CDK17: variants seen among roughly 807,000 people sequenced by gnomAD.
CDK17 encodes cyclin-dependent kinase 17.
A neutral mutation model predicts 77.6 loss-of-function variants in CDK17; 24 were observed. The ratio of observed to expected loss-of-function variants is 0.31; its 90% CI spans 0.22 to 0.44. The LOEUF (loss-of-function observed/expected upper bound fraction) is 0.44. Ranked by LOEUF, CDK17 falls within the 20% of genes least tolerant of loss-of-function variation. The pLI is 1.00. For missense variants in CDK17, 429 were observed against 622.5 expected (o/e 0.69, Z 3.31); for synonymous variants, 203 against 210.4 (o/e 0.96, Z 0.30).
chr12:96,379,345 A>G (rs768002749), intron 1 of CDK17, among the ~76,000 whole-genome samples: 13 of 152,134 alleles, frequency 8.5e-5, no homozygotes, highest in Non-Finnish European at 1.9e-4. Flanking sequence ...TATAGAAACA[A>G]TTAATGTTTA....
chr12:96,323,424 C>T (rs1318454183), intron 3 of CDK17, among the ~76,000 whole-genome samples: 1 of 151,910 alleles, frequency 6.6e-6, no homozygotes, highest in Non-Finnish European at 1.5e-5. Context: ...CCACTGCATT[C>T]CCCTCCAGCC....
chr12:96,391,569 G>A (rs1200073898), intron 1 of CDK17, among the ~76,000 whole-genome samples: 1 of 152,136 alleles, frequency 6.6e-6, no homozygotes, highest in South Asian at 2.1e-4. Flanking sequence ...GGGATTACAG[G>A]CGTGAGCCAC....
At chr12:96,307,516 A>AT (rs1952591334) in intron 5 of CDK17, among the ~76,000 whole-genome samples, 1 of 152,198 alleles carries the variant, frequency 6.6e-6, no homozygotes, top group Non-Finnish European at 1.5e-5. Flanking sequence ...CCAATCTTTG[A>AT]TAAAAACTGA....
At chr12:96,343,732 A>T (rs897927013) in intron 1 of CDK17, among the ~76,000 whole-genome samples, 1 of 152,234 alleles carries the variant, frequency 6.6e-6, no homozygotes, top group Non-Finnish European at 1.5e-5. Flanking sequence ...CAACTAGCCA[A>T]GAAAGGCCTG....
intron 14 of CDK17, 54 bp downstream of exon 14, chr12:96,283,549 G>A: frequency 9.4e-7 from 1 of 1,064,184 alleles, no homozygotes. Flanking sequence ...TTCTACACAT[G>A]AAGAAGCTGA....
At chr12:96,296,689 C>G (rs1952412009) in intron 9 of CDK17, among the ~76,000 whole-genome samples, 1 of 152,186 alleles carries the variant, frequency 6.6e-6, no homozygotes, top group Admixed American at 6.5e-5. Flanking sequence ...TGCTGTTACT[C>G]AGTTAATAAC....
chr12:96,294,279 C>T (rs566076532), intron 10 of CDK17, among the ~76,000 whole-genome samples: 36 of 151,996 alleles, frequency 2.4e-4, no homozygotes, highest in Non-Finnish European at 4.1e-4. Context: ...TTTCCCTTTA[C>T]GTAAGTGTAG....
intron 1 of CDK17, among the ~76,000 whole-genome samples, chr12:96,390,646 T>C (rs568549980): frequency 2.5e-4 from 37 of 145,978 alleles, no homozygotes; most frequent in African/African-American, 9.3e-4. Context: ...GAGGTGGAGA[T>C]TGCAGTTAGC....
rs1045137418 is a variant in CDK17 at position 96,355,402 on chromosome 12, T to G, written c.-29-20537A>C. ...CTGTCTAACATTCTACATTGGGTTT[T>G]TTTTTTTTTTTTTTTTTTTGGAGAT... On this transcript the variant is annotated intron_variant, in intron 1 of 16. Transcript: ENST00000261211. 3.7e-3 allele frequency among the ~76,000 whole-genome samples: 485 copies of G among 132,770 alleles called. 4 individuals carry two copies. Among genetic ancestry groups the G allele is most frequent in the Middle Eastern group, 0.017 (5 of 286 alleles). 87.1% of individuals were successfully genotyped at this position (132,770 alleles called of 152,430 possible).
At chr12:96,327,351 C>T (rs1290724837) in intron 2 of CDK17, among the ~76,000 whole-genome samples, 2 of 152,096 alleles carry the variant, frequency 1.3e-5, no homozygotes, top group Non-Finnish European at 2.9e-5. Context: ...GAGATTACTA[C>T]AGTACCCTAA....
intron 1 of CDK17, among the ~76,000 whole-genome samples, chr12:96,355,279 A>G (rs957370443): frequency 8.6e-5 from 13 of 151,656 alleles, no homozygotes; most frequent in Non-Finnish European, 1.5e-4. Context: ...TTCTACTCAA[A>G]TATCACTTCC....
chr12:96,345,402 C>T (rs1194248823), intron 1 of CDK17, among the ~76,000 whole-genome samples: 1 of 152,224 alleles, frequency 6.6e-6, no homozygotes, highest in East Asian at 1.9e-4. Flanking sequence ...GGAATCGCCA[C>T]ACTGTCTTCC....
intron 5 of CDK17, among the ~76,000 whole-genome samples, chr12:96,307,260 A>G (rs1290754376): frequency 1.3e-5 from 2 of 152,092 alleles, no homozygotes; most frequent in Non-Finnish European, 1.5e-5. Context: ...ATGCCATTGC[A>G]CTCCAGCCTG....
intron 1 of CDK17, among the ~76,000 whole-genome samples, chr12:96,382,345 G>C: frequency 7.6e-6 from 1 of 130,786 alleles, no homozygotes; most frequent in South Asian, 2.3e-4. Flanking sequence ...TTCCAAAACT[G>C]AATCAGTAAT....
intron 1 of CDK17, among the ~76,000 whole-genome samples, chr12:96,386,584 T>C (rs765115849): frequency 6.6e-6 from 1 of 152,052 alleles, no homozygotes; most frequent in Non-Finnish European, 1.5e-5. Context: ...CTCGAGTCCA[T>C]GAGGCGGAGG....
intron 10 of CDK17, among the ~76,000 whole-genome samples, chr12:96,294,161 C>T (rs141601794): frequency 3.9e-5 from 6 of 152,186 alleles, no homozygotes; most frequent in Non-Finnish European, 7.3e-5. Context: ...GTTTTATGTA[C>T]ACTTCCCATT....
chr12:96,280,437 G>A, intron 16 of CDK17, 158 bp from the exon 17 acceptor site: 2 of 1,436,044 alleles, frequency 1.4e-6, no homozygotes, highest in Non-Finnish European at 1.8e-6. Flanking sequence ...TGTTGACGGG[G>A]TCAGTCTACA....
At chr12:96,324,868 T>A (rs553927021) in intron 2 of CDK17, among the ~76,000 whole-genome samples, 157 of 152,204 alleles carry the variant, frequency 1.0e-3, no homozygotes, top group African/African-American at 3.4e-3. Context: ...TTCAAAATGG[T>A]ATGTCAATTA....
intron 15 of CDK17, chr12:96,282,183 A>G (rs932988103): frequency 1.5e-5 from 3 of 205,020 alleles, no homozygotes; most frequent in Non-Finnish European, 2.9e-5. Flanking sequence ...TTCACTTTTA[A>G]CAACGCTAAA....
Sources: gnomAD v4.1 joint callset for allele counts (sites outside exome capture counted in the v4.1 genomes callset) on GRCh38, gnomAD v4.1.1 for gene constraint, MANE v1.5 for transcripts, NCBI Gene and HGNC (gene_info 2026-07-23, HGNC 2026-07-21) for gene names.